SAP130: variants seen among roughly 807,000 people sequenced by gnomAD.
SAP130 encodes the protein histone deacetylase complex subunit SAP130.
SAP130 carries 16 observed loss-of-function variants against 103.2 expected under a neutral mutation model. The observed-to-expected ratio is 0.16, with a 90% CI of 0.10 to 0.24. SAP130 has a LOEUF of 0.24. SAP130 is among the 10% of genes least tolerant of loss of function. SAP130 has a pLI of 1.00. For missense variants in SAP130, 990 were observed against 1,359.7 expected (o/e 0.73, Z 4.28); for synonymous variants, 477 against 497.0 (o/e 0.96, Z 0.53).
At chr2:127,998,045 T>C (rs772801982) in intron 10 of SAP130, among the ~76,000 whole-genome samples, 1 of 151,604 alleles carries the variant, frequency 6.6e-6, no homozygotes, top group Non-Finnish European at 1.5e-5. Flanking sequence ...ACCTGGGAGA[T>C]TGCAGTGAGC....
chr2:127,944,220 G>C (rs919711175), intron 19 of SAP130, among the ~76,000 whole-genome samples: 5 of 151,970 alleles, frequency 3.3e-5, no homozygotes, highest in African/African-American at 9.6e-5. Flanking sequence ...TTTTTTTGTA[G>C]AGACAGGGTC....
At chr2:128,017,419 A>T (rs1684853570) in intron 3 of SAP130, among the ~76,000 whole-genome samples, 1 of 152,210 alleles carries the variant, frequency 6.6e-6, no homozygotes, top group South Asian at 2.1e-4. Flanking sequence ...ATTGTATCTA[A>T]CTTAACATGC....
intron 15 of SAP130, among the ~76,000 whole-genome samples, chr2:127,977,748 T>C (rs1329396862): frequency 6.6e-6 from 1 of 151,810 alleles, no homozygotes; most frequent in Non-Finnish European, 1.5e-5. Flanking sequence ...AAGTTGGGAG[T>C]GGTGGCACAC....
Position 127,997,746 on chromosome 2 carries a change from T to C in SAP130, c.1214-1255A>G, listed in dbSNP as rs142705045. ...GGAATGAAGCTGCCATGTGACAGAG[T>C]AGCTAACCAGCGGTTGGTAACCAGA... On this transcript the variant is annotated intron_variant, in intron 10 of 20. Coordinates refer to ENST00000643581, the MANE Select transcript of SAP130 (RefSeq NM_001330301.2). Among the ~76,000 whole-genome samples, 48 of 151,998 alleles carry C rather than the reference T, an allele frequency of 3.2e-4. No individual in the cohort carries two copies. The East Asian group carries it at 5.2e-3, about 17-fold the overall frequency.
chr2:127,944,193 C>T (rs4602168), intron 19 of SAP130, among the ~76,000 whole-genome samples: 15,860 of 151,756 alleles, frequency 0.1, 912 homozygotes, highest in South Asian at 0.22. Flanking sequence ...CCACTACACC[C>T]GGCTAATTAA....
intron 2 of SAP130, among the ~76,000 whole-genome samples, chr2:128,021,591 C>T (rs577019312): frequency 6.6e-6 from 1 of 152,190 alleles, no homozygotes; most frequent in Admixed American, 6.5e-5. Context: ...GAATAGATTA[C>T]ATAGAATACC....
intron 7 of SAP130, among the ~76,000 whole-genome samples, chr2:128,009,327 T>C (rs760134111): frequency 1.3e-5 from 2 of 152,016 alleles, no homozygotes; most frequent in African/African-American, 2.4e-5. Flanking sequence ...AAAAATTAGT[T>C]AGGCATGGTG....
chr2:127,968,543 G>A (rs1319813721), intron 15 of SAP130, among the ~76,000 whole-genome samples: 3 of 148,648 alleles, frequency 2.0e-5, no homozygotes, highest in Admixed American at 6.8e-5. Flanking sequence ...ACAAAAAAAA[G>A]ACAGGGTCTC....
At chr2:128,011,478 C>G (rs1164234432) in intron 6 of SAP130, among the ~76,000 whole-genome samples, 1 of 152,162 alleles carries the variant, frequency 6.6e-6, no homozygotes. Context: ...ATCTACAGCC[C>G]TTTTACCTGC....
intron 14 of SAP130, among the ~76,000 whole-genome samples, chr2:127,982,170 CA>C (rs561436701): frequency 0.042 from 5,835 of 139,972 alleles, 290 homozygotes; most frequent in African/African-American, 0.13. Flanking sequence ...CAAAGAAGAG[CA>C]AAAAAAAAAA....
intron 14 of SAP130, among the ~76,000 whole-genome samples, chr2:127,979,012 A>G (rs765161738): frequency 6.6e-6 from 1 of 152,350 alleles, no homozygotes; most frequent in Middle Eastern, 3.4e-3. Context: ...CTTACTTGAA[A>G]AAAGGGCCTT....
rs1239514596 is a variant in SAP130, at chr2:127,961,331, A to C, written c.2064-5987T>G. Reference sequence around the variant, plus strand: ...TTTTTTTTTTTTTTTTAATTTTAGTAGAGACAAGGTCTTGCTATGTTGCCC... The same window carrying C: ...TTTTTTTTTTTTTTTTAATTTTAGTCGAGACAAGGTCTTGCTATGTTGCCC... On this transcript the variant is annotated intron_variant, in intron 15 of 20. Transcript: ENST00000643581. Among the ~76,000 whole-genome samples the C allele has an allele frequency of 2.7e-5, 4 of 145,978 alleles. No homozygotes were observed. The South Asian group carries it at 8.5e-4, about 31-fold the overall frequency.
rs764901115 is a variant in SAP130, at chr2:128,014,928, G to A, written c.508-14C>T. ...ACTGGGATGGCCCTGAAAGAAAGAG[G>A]ATAGAACGTTATTTTTACATGTTTG... On this transcript the variant is annotated splice_polypyrimidine_tract_variant and intron_variant, in intron 4 of 20. Coordinates refer to ENST00000643581, the MANE Select transcript of SAP130 (RefSeq NM_001330301.2). 3 of 1,601,632 alleles carry A rather than the reference G, an allele frequency of 1.9e-6. No homozygotes were observed. The highest frequency in any genetic ancestry group is 2.6e-6 in the Non-Finnish European group (3 of 1,168,894).
At chr2:127,974,829 T>G (rs773792764) in intron 15 of SAP130, among the ~76,000 whole-genome samples, 6 of 152,118 alleles carry the variant, frequency 3.9e-5, no homozygotes, top group Non-Finnish European at 5.9e-5. Context: ...TAAATAAAGA[T>G]TATAATTTCT....
intron 7 of SAP130, among the ~76,000 whole-genome samples, chr2:128,008,733 T>A (rs138162371): frequency 6.6e-6 from 1 of 151,938 alleles, no homozygotes; most frequent in African/African-American, 2.4e-5. Context: ...TTGCCCCAGC[T>A]GGAATGCAGT....
At chr2:127,994,598 A>C (rs1482092950) in intron 11 of SAP130, among the ~76,000 whole-genome samples, 1 of 152,036 alleles carries the variant, frequency 6.6e-6, no homozygotes, top group Non-Finnish European at 1.5e-5. Context: ...TCTCTACAAA[A>C]AATAAAAAAA....
At chr2:128,001,151 GA>G (rs1444929998) in intron 7 of SAP130, among the ~76,000 whole-genome samples, 2 of 152,192 alleles carry the variant, frequency 1.3e-5, no homozygotes, top group Non-Finnish European at 2.9e-5. Flanking sequence ...GATTGGAAGG[GA>G]AATCAACAGA....
chr2:128,024,494 A>G lies in SAP130; in HGVS notation c.112+1687T>C, dbSNP rs1015662073. Among the ~76,000 whole-genome samples, 4 of 152,156 alleles carry G rather than the reference A, an allele frequency of 2.6e-5. No individual in the cohort carries two copies. The South Asian group carries it at 8.3e-4, about 32-fold the overall frequency. On this transcript the variant is annotated intron_variant, in intron 2 of 20. Transcript: ENST00000643581. ...TTTGGGAGGCTGAGAACGGAGGATT[A>G]CTTGAGTCCAGGAGTTTGAGACCAG...
At chr2:127,958,945 C>T (rs147166975) in intron 15 of SAP130, among the ~76,000 whole-genome samples, 6 of 152,242 alleles carry the variant, frequency 3.9e-5, no homozygotes, top group Non-Finnish European at 4.4e-5. Flanking sequence ...CCGCCACACC[C>T]GGCTAATATT....
Sources: allele counts gnomAD v4.1 joint callset (sites outside exome capture counted in the v4.1 genomes callset), GRCh38; gene constraint gnomAD v4.1.1; transcripts MANE v1.5; gene names NCBI Gene and HGNC (gene_info 2026-07-23, HGNC 2026-07-21).